TSPAN18: variants seen among roughly 807,000 people sequenced by gnomAD.
TSPAN18 encodes tetraspanin 18, also known as tetraspanin-18.
A neutral mutation model predicts 27.3 loss-of-function variants in TSPAN18; 14 were observed. The observed-to-expected ratio is 0.51, with a 90% CI of 0.34 to 0.80. The LOEUF (loss-of-function observed/expected upper bound fraction) is 0.80. Among genes scored for constraint, TSPAN18 ranks in the 30% least tolerant of loss-of-function variants. The pLI is 0.01. For synonymous variants in TSPAN18, 143 were observed against 136.5 expected (o/e 1.05, Z -0.33); for missense variants, 268 against 323.9 (o/e 0.83, Z 1.32).
At chr11:44,781,601 G>A (rs1242889882) in intron 2 of TSPAN18, among the ~76,000 whole-genome samples, 4 of 152,056 alleles carry the variant, frequency 2.6e-5, no homozygotes, top group East Asian at 1.9e-4. Flanking sequence ...CCACAGCCCC[G>A]GGCACATTTG....
rs1860045341 is a variant in TSPAN18 at position 44,919,536 on chromosome 11, T to C, written c.432+224T>C. 1.8e-5 allele frequency: 11 copies of C among 612,756 alleles called. No individual in the cohort carries two copies. The East Asian group carries it at 3.1e-4, about 17-fold the overall frequency. 38.0% of individuals were successfully genotyped at this position (612,756 alleles called of 1,614,324 possible). On this transcript the variant is annotated intron_variant, in intron 7 of 9. Coordinates refer to ENST00000520358, the MANE Select transcript of TSPAN18 (RefSeq NM_130783.5). ...CTCCCTGTCTTGGGTCCCCAAGCAATGGTCATTATGATGATGATAATAACC... is the reference window on the plus strand; with the variant it reads ...CTCCCTGTCTTGGGTCCCCAAGCAACGGTCATTATGATGATGATAATAACC...
chr11:44,805,350 T>C (rs1856569933), intron 2 of TSPAN18, among the ~76,000 whole-genome samples: 1 of 152,190 alleles, frequency 6.6e-6, no homozygotes, highest in African/African-American at 2.4e-5. Flanking sequence ...CACAGCTCTT[T>C]TTGATGCAGA....
chr11:44,919,155 G>C, intron 6 of TSPAN18, 59 bp from the exon 7 acceptor site: 1 of 1,354,440 alleles, frequency 7.4e-7, no homozygotes, highest in South Asian at 1.2e-5. Flanking sequence ...AGAGACGATG[G>C]AGGGTGGGGG....
chr11:44,740,741 T>G (rs900615500), intron 1 of TSPAN18, among the ~76,000 whole-genome samples: 1 of 152,168 alleles, frequency 6.6e-6, no homozygotes, highest in Admixed American at 6.5e-5. Context: ...GAAAGCCTGA[T>G]CTTTAAGTCC....
At chr11:44,925,037 G>A (rs1860299925) in intron 8 of TSPAN18, among the ~76,000 whole-genome samples, 1 of 152,190 alleles carries the variant, frequency 6.6e-6, no homozygotes, top group Non-Finnish European at 1.5e-5. Context: ...GGCCTGGCCT[G>A]GGGTAGGAAC....
At chr11:44,822,514 C>T (rs1002332178) in intron 2 of TSPAN18, among the ~76,000 whole-genome samples, 1 of 151,770 alleles carries the variant, frequency 6.6e-6, no homozygotes, top group African/African-American at 2.4e-5. Flanking sequence ...ATCACATTCT[C>T]ACCAATGATA....
chr11:44,727,364 C>G (rs1405754558), intron 1 of TSPAN18, 77 bp downstream of exon 1: 1 of 152,506 alleles, frequency 6.6e-6, no homozygotes, highest in Non-Finnish European at 1.5e-5. Context: ...CCCCGCGCGC[C>G]GCCCCGGGGG....
At chr11:44,890,614 T>G (rs1858813063) in intron 3 of TSPAN18, among the ~76,000 whole-genome samples, 1 of 151,910 alleles carries the variant, frequency 6.6e-6, no homozygotes, top group African/African-American at 2.4e-5. Flanking sequence ...TCCCAGCTAC[T>G]CGGGAGGCTG....
chr11:44,838,459 G>A (rs932627288), intron 2 of TSPAN18, among the ~76,000 whole-genome samples: 1 of 152,190 alleles, frequency 6.6e-6, no homozygotes, highest in Non-Finnish European at 1.5e-5. Flanking sequence ...GATTTGGGTG[G>A]GGACACAGCC....
At chr11:44,851,012 GCAA>G (rs896519944) in intron 2 of TSPAN18, among the ~76,000 whole-genome samples, 9 of 152,218 alleles carry the variant, frequency 5.9e-5, no homozygotes, top group African/African-American at 1.9e-4. Flanking sequence ...AGGACACACA[GCAA>G]CACCATCCCA....
At chr11:44,864,679 A>G (rs571755486) in intron 3 of TSPAN18, among the ~76,000 whole-genome samples, 16 of 152,360 alleles carry the variant, frequency 1.1e-4, no homozygotes, top group African/African-American at 3.8e-4. Flanking sequence ...GCCAAGTCCC[A>G]GTTCAGCATC....
intron 2 of TSPAN18, among the ~76,000 whole-genome samples, chr11:44,791,845 AC>A (rs1180114961): frequency 6.6e-6 from 1 of 152,128 alleles, no homozygotes; most frequent in Non-Finnish European, 1.5e-5. Flanking sequence ...AAGCCATTTC[AC>A]CCAGCGAGCT....
At chr11:44,923,869 T>C (rs959844415) in intron 8 of TSPAN18, among the ~76,000 whole-genome samples, 2 of 152,150 alleles carry the variant, frequency 1.3e-5, no homozygotes, top group Admixed American at 6.5e-5. Flanking sequence ...GAAGCTTCCA[T>C]TGGGCAACCT....
intron 2 of TSPAN18, among the ~76,000 whole-genome samples, chr11:44,800,837 G>C (rs1856464387): frequency 6.6e-6 from 1 of 152,166 alleles, no homozygotes; most frequent in African/African-American, 2.4e-5. Flanking sequence ...CTTCCACAGA[G>C]GCACAGTGTC....
intron 2 of TSPAN18, among the ~76,000 whole-genome samples, chr11:44,793,073 GC>G: frequency 6.6e-6 from 1 of 152,282 alleles, no homozygotes; most frequent in East Asian, 1.9e-4. Context: ...GAGATCCTAG[GC>G]CAAGCCCTGC....
chr11:44,851,889 T>C (rs1857615451), intron 2 of TSPAN18, among the ~76,000 whole-genome samples: 1 of 152,194 alleles, frequency 6.6e-6, no homozygotes, highest in African/African-American at 2.4e-5. Context: ...TTCCAGACCC[T>C]GGGAATACAA....
chr11:44,903,819 T>C (rs893028335), intron 3 of TSPAN18: 1 of 456,570 alleles, frequency 2.2e-6, no homozygotes, highest in Non-Finnish European at 4.4e-6. Flanking sequence ...TGGGTTCCAA[T>C]CTTGGCTTCA....
At chr11:44,885,166 G>A (rs17722614) in intron 3 of TSPAN18, among the ~76,000 whole-genome samples, 27,498 of 152,090 alleles carry the variant, frequency 0.18, 3,323 homozygotes, top group Non-Finnish European at 0.27. Flanking sequence ...CTCTAGACCA[G>A]TGTTTGGCAC....
In TSPAN18 at chr11:44,878,269, G is replaced by A. The variant is rs118024536; in HGVS notation, c.-11+17800G>A. Reference sequence around the variant, plus strand: ...CCTGGCTGGCCGGGCGTGTAAGAACGCTCTCCTCTTCCCGCTAACAGGCTG... The same window carrying A: ...CCTGGCTGGCCGGGCGTGTAAGAACACTCTCCTCTTCCCGCTAACAGGCTG... On this transcript the variant is annotated intron_variant, in intron 3 of 9. Transcript: ENST00000520358. Among the ~76,000 whole-genome samples the A allele has an allele frequency of 1.4e-3, 212 of 152,214 alleles. 2 individuals carry two copies. The East Asian group carries it at 0.03, about 22-fold the overall frequency.
Sources: allele counts gnomAD v4.1 joint callset (sites outside exome capture counted in the v4.1 genomes callset), GRCh38; gene constraint gnomAD v4.1.1; transcripts MANE v1.5; gene names NCBI Gene and HGNC (gene_info 2026-07-23, HGNC 2026-07-21).